The following AMBP variants were observed in gnomAD, a reference collection of about 807,000 sequenced individuals.
AMBP encodes alpha-1-microglobulin/bikunin precursor.
In AMBP, 37 loss-of-function variants were observed where a neutral mutation model predicts 46.3. The observed-to-expected ratio is 0.80, with a 90% CI of 0.61 to 1.05. The LOEUF (loss-of-function observed/expected upper bound fraction) is 1.05, where lower values mean the gene tolerates loss of function less well. Ranked by LOEUF, AMBP falls within the 50% of genes least tolerant of loss-of-function variation. The pLI, the probability that AMBP is intolerant of heterozygous loss-of-function variation, is 0.00. For missense variants in AMBP, 475 were observed against 461.2 expected (o/e 1.03, Z -0.27); for synonymous variants, 174 against 175.9 (o/e 0.99, Z 0.09).
rs1846631898 is a variant in AMBP, at chr9:114,061,069, G to T, written c.883C>A (p.Pro295Thr). ...AACNLPIVRGPCRAFIQLWAF... is the reference protein window; with the variant it reads ...AACNLPIVRGTCRAFIQLWAF... ...CAGAGCTGGATGAAGGCTCGGCAGG[G>T]GCCCCGGACTATGGGGAGATTGCAG... Residue 295 changes from proline (P) to threonine (T), a missense_variant, in exon 9 of 10, where the codon CCC becomes ACC. Physicochemically the swap from Pro to Thr is conservative, Grantham distance 38 (BLOSUM62 -1). Transcript: ENST00000265132. 3.7e-6 allele frequency: 6 copies of T among 1,614,200 alleles called. No homozygotes were observed. The African/African-American group carries it at 5.3e-5, about 14-fold the overall frequency.
At chr9:114,065,633 C>T (rs953564673) in intron 6 of AMBP, among the ~76,000 whole-genome samples, 18 of 151,830 alleles carry the variant, frequency 1.2e-4, no homozygotes, top group African/African-American at 4.4e-4. Flanking sequence ...GTTCATTACC[C>T]CACCCCCACC....
intron 5 of AMBP, among the ~76,000 whole-genome samples, chr9:114,072,271 G>C (rs1396357374): frequency 6.6e-6 from 1 of 152,150 alleles, no homozygotes; most frequent in African/African-American, 2.4e-5. Flanking sequence ...CCTGGCGCCA[G>C]CTGGGAAATC....
intron 9 of AMBP, 73 bp downstream of exon 9, chr9:114,060,852 C>T: frequency 6.6e-7 from 1 of 1,518,086 alleles, no homozygotes; most frequent in Non-Finnish European, 8.9e-7. Context: ...CAGACCCCTA[C>T]TCCTCCCAGG....
chr9:114,065,667 C>CTT (rs1564371371), intron 6 of AMBP, among the ~76,000 whole-genome samples: 1 of 151,514 alleles, frequency 6.6e-6, no homozygotes. Context: ...TTCCCTTGGA[C>CTT]TTTACAAAAG....
At chr9:114,060,573 G>T (rs1020735976) in intron 9 of AMBP, among the ~76,000 whole-genome samples, 1 of 152,096 alleles carries the variant, frequency 6.6e-6, no homozygotes, top group Admixed American at 6.5e-5. Context: ...CTAACTCCGC[G>T]TCAGGTACTG....
At chr9:114,066,669 A>C (rs1385178319) in intron 6 of AMBP, among the ~76,000 whole-genome samples, 1 of 152,222 alleles carries the variant, frequency 6.6e-6, no homozygotes, top group Non-Finnish European at 1.5e-5. Flanking sequence ...ATGACTGCTA[A>C]AAATGCAATG....
chr9:114,070,088 C>T (rs1846728811), intron 5 of AMBP, among the ~76,000 whole-genome samples: 2 of 152,246 alleles, frequency 1.3e-5, no homozygotes, highest in South Asian at 4.1e-4. Flanking sequence ...ACAGCAACTT[C>T]TAAGGAAGGT....
chr9:114,075,774 C>T (rs987225577), intron 2 of AMBP, among the ~76,000 whole-genome samples: 3 of 152,128 alleles, frequency 2.0e-5, no homozygotes, highest in African/African-American at 7.2e-5. Flanking sequence ...TAACCTGAAC[C>T]TGGGTGTCTG....
At chr9:114,069,078 A>G (rs867537300) in intron 6 of AMBP, among the ~76,000 whole-genome samples, 5 of 152,088 alleles carry the variant, frequency 3.3e-5, no homozygotes, top group Middle Eastern at 3.4e-3. Flanking sequence ...ATATATATAT[A>G]CACACACAGA....
intron 5 of AMBP, among the ~76,000 whole-genome samples, chr9:114,072,712 T>G (rs1460733106): frequency 1.3e-5 from 2 of 152,232 alleles, no homozygotes; most frequent in Non-Finnish European, 2.9e-5. Flanking sequence ...GGCAGTAGAA[T>G]GAACACTGAA....
chr9:114,060,370 T>C (rs2269454), intron 9 of AMBP, 100 bp from the exon 10 acceptor site: 373,010 of 1,268,612 alleles, frequency 0.29, 57,276 homozygotes, highest in African/African-American at 0.5. Flanking sequence ...GCTTGCTGAA[T>C]CATTTATCTC....
Position 114,060,234 on chromosome 9 carries a change from A to C in AMBP, c.*5T>G. 6.2e-7 allele frequency: 1 copy of C among 1,612,846 alleles called. No individual in the cohort carries two copies. The highest frequency in any genetic ancestry group is 8.5e-7 in the Non-Finnish European group (1 of 1,179,522). On this transcript the variant is annotated 3_prime_UTR_variant, in exon 10 of 10. Transcript: ENST00000265132. ...CCATCCTCTGACTTGCAGACCGGCC[A>C]GTTGTCAGTTGGAGAAGCGCAGCAG...
chr9:114,067,570 A>C (rs1229142398), intron 6 of AMBP, among the ~76,000 whole-genome samples: 1 of 152,156 alleles, frequency 6.6e-6, no homozygotes, highest in African/African-American at 2.4e-5. Flanking sequence ...ATAAATTTTT[A>C]AATAGAATTT....
intron 6 of AMBP, among the ~76,000 whole-genome samples, chr9:114,065,319 C>T (rs559527582): frequency 5.9e-5 from 9 of 152,196 alleles, no homozygotes; most frequent in African/African-American, 1.2e-4. Flanking sequence ...ACGGGTGATT[C>T]GCACACATAG....
Position 114,078,155 on chromosome 9 carries a change from C to G in AMBP, c.55G>C (p.Ala19Pro). 6.2e-7 allele frequency: 1 copy of G among 1,613,584 alleles called. No homozygotes were observed. Among genetic ancestry groups the G allele is most frequent in the East Asian group, 2.2e-5 (1 of 44,870 alleles). The change falls in exon 1 of 10, where the codon GCT becomes CCT. Residue 19 changes from alanine (A) to proline (P), a missense_variant. Physicochemically the swap from Ala to Pro is conservative, Grantham distance 27. Around this residue, in one of 3 missense-constraint regions of AMBP, gnomAD observed 179 missense variants for 167.4 expected, o/e 1.07. Transcript: ENST00000265132. ...TCGGGCGGCGTTGGCACAGGGCCAG[C>G]GCTCACCGCCAGGCAGGCGCTCAGC... ...LLLSACLAVS[A>P]GPVPTPPDNI...
Position 114,069,712 on chromosome 9 carries a change from G to T in AMBP, c.590C>A (p.Pro197His). The change falls in exon 6 of 10, where the codon CCC becomes CAC. Residue 197 changes from proline to histidine, a missense_variant. By Grantham distance (77) the Pro-to-His change is moderately conservative. Around this residue, in one of 3 missense-constraint regions of AMBP, gnomAD observed 293 missense variants for 276.9 expected, o/e 1.06. Coordinates refer to ENST00000265132, the MANE Select transcript of AMBP (RefSeq NM_001633.4). ...TGAGGCACTCACCGGGATTAAGATGGGCTCTGGTTCCTGCTCCCCAGGGAC... is the reference window on the plus strand; with the variant it reads ...TGAGGCACTCACCGGGATTAAGATGTGCTCTGGTTCCTGCTCCCCAGGGAC... ...ECVPGEQEPE[P>H]ILIPRVRRAV... The T allele has an allele frequency of 6.2e-7, 1 of 1,613,810 alleles. No individual in the cohort carries two copies. The highest frequency in any genetic ancestry group is 8.5e-7 in the Non-Finnish European group (1 of 1,179,986).
At position 114,061,117 on chromosome 9, in the gene AMBP, C is replaced by G; in HGVS notation, c.854-19G>C. On this transcript the variant is annotated intron_variant, in intron 8 of 9. Transcript: ENST00000265132. ...CAGGCCGCTGTGGAGTGGAGAGAGG[C>G]ATGGAACTTGAGAAACCCTTGTGAC... 4.3e-6 allele frequency: 7 copies of G among 1,611,964 alleles called. No individual in the cohort carries two copies. In the South Asian group the frequency reaches 7.7e-5, roughly 18 times the overall value.
chr9:114,067,743 T>C (rs899372654), intron 6 of AMBP, among the ~76,000 whole-genome samples: 6 of 152,096 alleles, frequency 3.9e-5, no homozygotes, highest in South Asian at 2.1e-4. Context: ...GAGTAACATA[T>C]ACAAAGTTCT....
chr9:114,062,565 A>C (rs574685144), intron 7 of AMBP, 112 bp downstream of exon 7: 3 of 1,078,750 alleles, frequency 2.8e-6, no homozygotes, highest in Admixed American at 3.8e-5. Flanking sequence ...CCAGCCCTTG[A>C]GTCTCTAACA....
Sources: allele counts gnomAD v4.1 joint callset (sites outside exome capture counted in the v4.1 genomes callset), GRCh38; gene constraint gnomAD v4.1.1; regional missense constraint gnomAD v4.1.1; transcripts MANE v1.5; gene names NCBI Gene and HGNC (gene_info 2026-07-23, HGNC 2026-07-21).